The following TRIM37 variants were observed in gnomAD, a reference collection of about 807,000 sequenced individuals.
TRIM37 encodes E3 ubiquitin-protein ligase TRIM37.
Under a neutral mutation model 129.8 loss-of-function variants are expected in TRIM37, and 80 were observed. That is an observed-to-expected ratio of 0.62 (90% CI 0.51 to 0.74). The LOEUF (loss-of-function observed/expected upper bound fraction) is 0.74. Among genes scored for constraint, TRIM37 ranks in the 30% least tolerant of loss-of-function variants. TRIM37 has a pLI of 0.00. For synonymous variants in TRIM37, 389 were observed against 387.1 expected (o/e 1.00, Z -0.06); for missense variants, 1,054 against 1,176.5 (o/e 0.90, Z 1.52).
rs1568065234 is a variant in TRIM37, at chr17:59,042,438, AAAAAAAAAAAAAT to A, written c.1668-553_1668-541del. ...CTAAGAAAAAAAGGAATTTAAAAAA[AAAAAAAAAAAAAT>A]ATATATATATATATATATATATATC... On this transcript the variant is annotated intron_variant, in intron 16 of 23. Coordinates refer to ENST00000262294, the MANE Select transcript of TRIM37 (RefSeq NM_015294.6). 7.7e-3 allele frequency among the ~76,000 whole-genome samples: 578 copies of A among 75,136 alleles called. 5 individuals carry two copies. The highest frequency in any genetic ancestry group is 0.018 in the Middle Eastern group (3 of 166). 49.3% of individuals were successfully genotyped at this position (75,136 alleles called of 152,430 possible).
intron 18 of TRIM37, 35 bp from the exon 19 acceptor site, chr17:59,028,758 C>A: frequency 6.2e-7 from 1 of 1,603,622 alleles, no homozygotes; most frequent in Non-Finnish European, 8.5e-7. Context: ...TTAACATAAA[C>A]GTTAATATTA....
At chr17:59,044,236 G>A (rs1255737088) in intron 16 of TRIM37, among the ~76,000 whole-genome samples, 4 of 152,150 alleles carry the variant, frequency 2.6e-5, no homozygotes, top group Non-Finnish European at 5.9e-5. Flanking sequence ...GAGCCCAGGA[G>A]GTCGAGGTTG....
In TRIM37 at chr17:59,042,430, TTAAAA is replaced by T. The variant is rs1327321257; in HGVS notation, c.1668-537_1668-533del. On this transcript the variant is annotated intron_variant, in intron 16 of 23. Coordinates refer to ENST00000262294, the MANE Select transcript of TRIM37 (RefSeq NM_015294.6). ...TTAGAAAGCTAAGAAAAAAAGGAAT[TTAAAA>T]AAAAAAAAAAAAAAATATATATATA... 2.5e-3 allele frequency among the ~76,000 whole-genome samples: 229 copies of T among 92,006 alleles called. 6 individuals are homozygous for T. The highest frequency in any genetic ancestry group is 3.0e-3 in the Non-Finnish European group (152 of 51,308). 60.4% of individuals were successfully genotyped at this position (92,006 alleles called of 152,430 possible).
At chr17:58,986,348 G>C (rs761633223) in intron 24 of TRIM37, among the ~76,000 whole-genome samples, 1 of 151,630 alleles carries the variant, frequency 6.6e-6, no homozygotes, top group Non-Finnish European at 1.5e-5. Flanking sequence ...ACAGGCGCCC[G>C]CCACCACACC....
chr17:59,047,698 A>G lies in TRIM37; in HGVS notation c.1652T>C (p.Ile551Thr). The G allele has an allele frequency of 6.2e-7, 1 of 1,613,752 alleles. No homozygotes were observed. Among genetic ancestry groups the G allele is most frequent in the Non-Finnish European group, 8.5e-7 (1 of 1,179,894 alleles). The change falls in exon 16 of 24, where the codon ATT becomes ACT. Residue 551 changes from isoleucine (I) to threonine (T), a missense_variant. This residue lies in a region of TRIM37 where 752 missense variants were observed against 870.8 expected (regional missense o/e 0.86). Transcript: ENST00000262294. ...TATSNTEEND[I>T]DEETMSGEND... ...GGAAACTCACATAGTTTCTTCATCAATATCATTTTCTTCTGTATTACTTGT... is the reference window on the plus strand; with the variant it reads ...GGAAACTCACATAGTTTCTTCATCAGTATCATTTTCTTCTGTATTACTTGT...
intron 16 of TRIM37, among the ~76,000 whole-genome samples, chr17:59,042,449 AATATAT>A (rs71145518): frequency 8.3e-5 from 3 of 36,040 alleles, no homozygotes; most frequent in African/African-American, 1.1e-4. Flanking sequence ...AAAAAAAAAA[AATATAT>A]ATATATATAT....
the TRIM37 span, among the ~76,000 whole-genome samples, chr17:58,970,473 T>C: frequency 6.6e-6 from 1 of 152,142 alleles, no homozygotes; most frequent in East Asian, 1.9e-4. Context: ...CAGAAGTAGA[T>C]ACAGACAAAA....
At chr17:58,981,743 A>G, downstream of TRIM37, 1 of 68,942 alleles carries the variant, frequency 1.5e-5, no homozygotes, top group South Asian at 7.4e-4. Flanking sequence ...ATAACCTGTT[A>G]TGGTGCTTTT....
intron 19 of TRIM37, among the ~76,000 whole-genome samples, chr17:59,024,410 G>GA (rs2036998169): frequency 1.3e-5 from 2 of 152,104 alleles, no homozygotes; most frequent in South Asian, 2.1e-4. Flanking sequence ...AACTTATATG[G>GA]AAAAAACTGA....
Position 59,077,692 on chromosome 17 carries a change from C to T in TRIM37, c.617-1978G>A, listed in dbSNP as rs568414253. On this transcript the variant is annotated intron_variant, in intron 7 of 23. Transcript: ENST00000262294. ...GGGCGTGGTGGCACGTGCCTGTAGT[C>T]CCAGCTACTTGGGAGGCTGAGATAG... 7.6e-4 allele frequency among the ~76,000 whole-genome samples: 116 copies of T among 151,634 alleles called. 1 individual carries two copies. Among genetic ancestry groups the T allele is most frequent in the Admixed American group, 3.4e-3 (51 of 15,214 alleles).
chr17:59,103,812 T>C (rs1010606292), intron 2 of TRIM37, among the ~76,000 whole-genome samples: 2 of 151,876 alleles, frequency 1.3e-5, no homozygotes, highest in African/African-American at 4.8e-5. Flanking sequence ...CATGCCCAGC[T>C]AATTTTTGTA....
chr17:59,031,244 A>G (rs1188839527), intron 18 of TRIM37, among the ~76,000 whole-genome samples: 1 of 152,256 alleles, frequency 6.6e-6, no homozygotes, highest in Non-Finnish European at 1.5e-5. Context: ...TTAAGAAGGT[A>G]GAAAAATATT....
chr17:58,980,782 CTACTCA>C, downstream of TRIM37: 1 of 1,614,162 alleles, frequency 6.2e-7, no homozygotes, highest in South Asian at 1.1e-5. This position sits in a 1 kb window ranked among gnomAD's most constrained non-coding sequence, Gnocchi z 4.7. Context: ...TACGCCACCA[CTACTCA>C]AAGAAGTGGC....
chr17:59,042,438 AAAAAAAAAAAAATATAT>A (rs1188420412), intron 16 of TRIM37, among the ~76,000 whole-genome samples: 1 of 75,192 alleles, frequency 1.3e-5, no homozygotes, highest in African/African-American at 5.8e-5. Context: ...ATTTAAAAAA[AAAAAAAAAAAAATATAT>A]ATATATATAT....
chr17:59,007,665 T>C (rs2034716254), intron 22 of TRIM37, among the ~76,000 whole-genome samples: 1 of 152,192 alleles, frequency 6.6e-6, no homozygotes, highest in Non-Finnish European at 1.5e-5. Flanking sequence ...TAAGTCAACC[T>C]TTTCAGCATC....
chr17:59,000,758 A>C (rs1371907984), intron 23 of TRIM37, among the ~76,000 whole-genome samples: 1 of 152,196 alleles, frequency 6.6e-6, no homozygotes, highest in Non-Finnish European at 1.5e-5. Context: ...AGTTATTTTT[A>C]TTTTAAAAGG....
At chr17:59,020,061 TC>T (rs1197207465) in intron 19 of TRIM37, among the ~76,000 whole-genome samples, 1 of 151,344 alleles carries the variant, frequency 6.6e-6, no homozygotes, top group Non-Finnish European at 1.5e-5. Flanking sequence ...TGAAACCCCA[TC>T]TCTACTAAAA....
intron 6 of TRIM37, 72 bp from the exon 7 acceptor site, chr17:59,079,949 T>G: frequency 6.6e-7 from 1 of 1,513,674 alleles, no homozygotes; most frequent in East Asian, 2.3e-5. Flanking sequence ...ATTATAATAT[T>G]GCCAAGAATA....
intron 13 of TRIM37, 128 bp downstream of exon 13, chr17:59,056,747 A>AAAAAAAAG: frequency 9.4e-6 from 4 of 427,110 alleles, no homozygotes; most frequent in Admixed American, 4.2e-5. Flanking sequence ...AAAAAAAAAA[A>AAAAAAAAG]GGTGATAAGG....
Sources: gnomAD v4.1 joint callset for allele counts (sites outside exome capture counted in the v4.1 genomes callset) on GRCh38, gnomAD v4.1.1 for gene constraint, gnomAD v4.1.1 regional missense constraint, Gnocchi (gnomAD v3.1) non-coding constraint, MANE v1.5 for transcripts, NCBI Gene and HGNC (gene_info 2026-07-23, HGNC 2026-07-21) for gene names.